The following FAT3 variants were observed in gnomAD, a reference collection of about 807,000 sequenced individuals.
The protein encoded by FAT3 is FAT atypical cadherin 3.
FAT3 carries 95 observed loss-of-function variants against 310.2 expected under a neutral mutation model. The observed-to-expected ratio is 0.31, with a 90% CI of 0.26 to 0.36. The LOEUF is 0.36. FAT3 is among the 10% of genes least tolerant of loss of function. FAT3 has a pLI of 1.00. For synonymous variants in FAT3, 2,314 were observed against 2,192.9 expected (o/e 1.06, Z -1.54); for missense variants, 5,408 against 5,715.6 (o/e 0.95, Z 1.74).
intron 1 of FAT3, among the ~76,000 whole-genome samples, chr11:92,309,725 T>C (rs755141132): frequency 2.0e-5 from 3 of 152,084 alleles, no homozygotes; most frequent in Non-Finnish European, 2.9e-5. Context: ...TGATGCACAG[T>C]TCTTTGGGTA....
intron 1 of FAT3, among the ~76,000 whole-genome samples, chr11:92,339,088 G>A (rs1243600280): frequency 6.6e-6 from 1 of 152,030 alleles, no homozygotes; most frequent in African/African-American, 2.4e-5. Context: ...TATATCATTG[G>A]CTCTATCCTT....
intron 7 of FAT3, among the ~76,000 whole-genome samples, chr11:92,777,498 A>G (rs945322281): frequency 5.3e-5 from 8 of 152,206 alleles, no homozygotes; most frequent in African/African-American, 1.9e-4. Context: ...TAAAGATTCC[A>G]ATGAACTAAA....
chr11:92,375,187 G>A (rs1213674987), intron 2 of FAT3, among the ~76,000 whole-genome samples: 1 of 152,088 alleles, frequency 6.6e-6, no homozygotes. Flanking sequence ...AGGCTGGAGT[G>A]CAGTTGTGGG....
rs1410947217 is a variant in FAT3, at chr11:92,484,372, G to A, written c.3293-40262G>A. ...ATATTTAGACTATTTCCTAGTGTTT[G>A]ACTATATTATAAGTAAAAGAAAAAC... On this transcript the variant is annotated intron_variant, in intron 2 of 27. Coordinates refer to ENST00000525166, the MANE Select transcript of FAT3 (RefSeq NM_001367949.2). Among the ~76,000 whole-genome samples, 5 of 152,004 alleles carry A rather than the reference G, an allele frequency of 3.3e-5. No individual in the cohort carries two copies. The South Asian group carries it at 8.3e-4, about 25-fold the overall frequency.
At chr11:92,607,323 G>T (rs904684734) in intron 3 of FAT3, among the ~76,000 whole-genome samples, 3 of 151,862 alleles carry the variant, frequency 2.0e-5, no homozygotes, top group African/African-American at 7.3e-5. Context: ...GAAGGGGGGT[G>T]GGGGGAAATG....
At chr11:92,855,980 C>CTTTTT (rs58995060) in intron 19 of FAT3, among the ~76,000 whole-genome samples, 3 of 129,228 alleles carry the variant, frequency 2.3e-5, no homozygotes, top group African/African-American at 5.8e-5. Context: ...GGACAATATG[C>CTTTTT]TTTTTTTTTT....
intron 1 of FAT3, among the ~76,000 whole-genome samples, chr11:92,283,176 G>A (rs1261178954): frequency 6.6e-6 from 1 of 152,006 alleles, no homozygotes; most frequent in Non-Finnish European, 1.5e-5. Flanking sequence ...CATAATCCTG[G>A]TGTTATCCTT....
At chr11:92,462,442 G>A (rs559946555) in intron 2 of FAT3, among the ~76,000 whole-genome samples, 3 of 152,120 alleles carry the variant, frequency 2.0e-5, no homozygotes, top group South Asian at 4.2e-4. Flanking sequence ...CTGTTCCTGC[G>A]TTAATTTGCT....
chr11:92,784,707 G>A (rs148952195), intron 7 of FAT3, among the ~76,000 whole-genome samples: 1 of 152,098 alleles, frequency 6.6e-6, no homozygotes, highest in Non-Finnish European at 1.5e-5. Flanking sequence ...CTCACAAATG[G>A]CCCCGACTGT....
chr11:92,805,881 A>T (rs1270752247), intron 11 of FAT3, among the ~76,000 whole-genome samples: 1 of 152,196 alleles, frequency 6.6e-6, no homozygotes, highest in Admixed American at 6.5e-5. Flanking sequence ...CTTTTCTATC[A>T]TGTGGACCAA....
chr11:92,477,233 A>G (rs1356318932), intron 2 of FAT3, among the ~76,000 whole-genome samples: 3 of 152,220 alleles, frequency 2.0e-5, no homozygotes, highest in Non-Finnish European at 4.4e-5. Context: ...TGCTTGTTTT[A>G]TAGAACAGAT....
chr11:92,835,093 C>T lies in FAT3; in HGVS notation c.10086+9C>T. On this transcript the variant is annotated intron_variant, in intron 15 of 27. Transcript: ENST00000525166. ...GAGACTCTGTCATTTTGGTAGGTAC[C>T]TGGGGTTGGGGATGGTTCTAGATGT... 1 of 1,609,488 alleles carries T rather than the reference C, an allele frequency of 6.2e-7. No individual in the cohort carries two copies. Among genetic ancestry groups the T allele is most frequent in the African/African-American group, 1.3e-5 (1 of 74,978 alleles).
At chr11:92,263,591 G>A (rs890659298) in intron 1 of FAT3, among the ~76,000 whole-genome samples, 1 of 151,638 alleles carries the variant, frequency 6.6e-6, no homozygotes, top group Admixed American at 6.6e-5. Flanking sequence ...CTAAAATGTT[G>A]AGTGATAAAT....
intron 4 of FAT3, among the ~76,000 whole-genome samples, chr11:92,704,197 C>T (rs755019933): frequency 1.7e-4 from 26 of 152,208 alleles, no homozygotes; most frequent in Admixed American, 4.6e-4. Flanking sequence ...CAGGTTTTCT[C>T]TCATACTCTG....
chr11:92,793,197 T>G (rs1160253028), intron 9 of FAT3, among the ~76,000 whole-genome samples: 2 of 152,178 alleles, frequency 1.3e-5, no homozygotes, highest in Non-Finnish European at 2.9e-5. Context: ...ATTTCCTTTG[T>G]TGTGTTTGAT....
intron 1 of FAT3, among the ~76,000 whole-genome samples, chr11:92,263,761 T>C: frequency 6.6e-6 from 1 of 152,090 alleles, no homozygotes; most frequent in East Asian, 1.9e-4. Context: ...ATGTCAGCAT[T>C]GATCATGTCC....
At chr11:92,463,182 CT>C (rs1951677431) in intron 2 of FAT3, among the ~76,000 whole-genome samples, 2 of 152,176 alleles carry the variant, frequency 1.3e-5, no homozygotes, top group Admixed American at 6.6e-5. Context: ...CAAAAGATGT[CT>C]AATAATGTGT....
In FAT3 at chr11:92,857,356, G is replaced by A; in HGVS notation, c.11500+8G>A. ...AGCTCGGAGAGTGCTCAGGTGCAGA[G>A]TGGAGTGGAATGATGCAGATCTAAT... On this transcript the variant is annotated splice_region_variant and intron_variant, in intron 20 of 27. Transcript: ENST00000525166. 6.2e-7 allele frequency: 1 copy of A among 1,613,950 alleles called. No homozygotes were observed. The highest frequency in any genetic ancestry group is 8.5e-7 in the Non-Finnish European group (1 of 1,179,876).
intron 1 of FAT3, among the ~76,000 whole-genome samples, chr11:92,342,705 G>T (rs1205444141): frequency 6.6e-6 from 1 of 152,072 alleles, no homozygotes; most frequent in Non-Finnish European, 1.5e-5. Flanking sequence ...GCTATTACTA[G>T]AAAAGGTTTT....
Sources: allele counts gnomAD v4.1 joint callset (sites outside exome capture counted in the v4.1 genomes callset), GRCh38; gene constraint gnomAD v4.1.1; transcripts MANE v1.5; gene names NCBI Gene and HGNC (gene_info 2026-07-23, HGNC 2026-07-21).